PDE1C: variants seen among roughly 807,000 people sequenced by gnomAD.
The protein encoded by PDE1C is dual specificity calcium/calmodulin-dependent 3',5'-cyclic nucleotide phosphodiesterase 1C.
Under a neutral mutation model 93.1 loss-of-function variants are expected in PDE1C, and 62 were observed. The ratio of observed to expected loss-of-function variants is 0.67; its 90% CI spans 0.54 to 0.82. The LOEUF (loss-of-function observed/expected upper bound fraction) is 0.82, where lower values mean the gene tolerates loss of function less well. Among genes scored for constraint, PDE1C ranks in the 40% least tolerant of loss-of-function variants. PDE1C has a pLI of 0.00. For synonymous variants in PDE1C, 325 were observed against 310.1 expected (o/e 1.05, Z -0.50); for missense variants, 742 against 884.6 (o/e 0.84, Z 2.04).
intron 15 of PDE1C, among the ~76,000 whole-genome samples, chr7:31,814,328 T>G (rs997456045): frequency 1.3e-5 from 2 of 152,038 alleles, no homozygotes; most frequent in African/African-American, 4.8e-5. Flanking sequence ...TTTTCCAGAC[T>G]ATAATGCACT....
chr7:31,668,849 A>T, the PDE1C span, among the ~76,000 whole-genome samples: 12 of 151,718 alleles, frequency 7.9e-5, 1 homozygote, highest in South Asian at 8.4e-4. Context: ...ATGAACTACT[A>T]AAAAAAAATA....
intron 1 of PDE1C, among the ~76,000 whole-genome samples, chr7:32,406,872 G>T (rs967402824): frequency 2.0e-5 from 3 of 152,188 alleles, no homozygotes; most frequent in Admixed American, 2.0e-4. Context: ...CAGCGTCCTG[G>T]TGAGACTCAG....
chr7:32,206,688 A>C (rs79339200), intron 2 of PDE1C, among the ~76,000 whole-genome samples: 11,393 of 152,248 alleles, frequency 0.075, 473 homozygotes, highest in Middle Eastern at 0.11. Context: ...TGAGGTGCCC[A>C]CCATGCAGTA....
intron 1 of PDE1C, among the ~76,000 whole-genome samples, chr7:32,298,065 C>CTCTCTCCTCTCTCT (rs1562660556): frequency 2.4e-4 from 5 of 21,174 alleles, no homozygotes; most frequent in East Asian, 1.7e-3. Flanking sequence ...TCTCTCTCTC[C>CTCTCTCCTCTCTCT]CCTCTCTCTC....
chr7:31,975,128 T>C (rs899879256), intron 2 of PDE1C, among the ~76,000 whole-genome samples: 2 of 152,182 alleles, frequency 1.3e-5, no homozygotes, highest in African/African-American at 2.4e-5. Flanking sequence ...AGTGGCTGCA[T>C]ACTACAGTCC....
downstream of PDE1C, among the ~76,000 whole-genome samples, chr7:31,746,366 C>T (rs751633673): frequency 2.0e-5 from 3 of 152,122 alleles, no homozygotes; most frequent in East Asian, 1.9e-4. Flanking sequence ...GAAATATAGA[C>T]GTCAGGGAGA....
At chr7:31,679,959 G>T in the PDE1C span, among the ~76,000 whole-genome samples, 2 of 152,152 alleles carry the variant, frequency 1.3e-5, no homozygotes, top group Non-Finnish European at 2.9e-5. Context: ...AGGGAAGAGG[G>T]CAATGAATTA....
the PDE1C span, among the ~76,000 whole-genome samples, chr7:31,706,005 T>TC: frequency 7.9e-6 from 1 of 127,244 alleles, no homozygotes; most frequent in Admixed American, 7.9e-5. Context: ...TTTTTTTTTT[T>TC]TTTTTTTTTT....
intron 6 of PDE1C, among the ~76,000 whole-genome samples, chr7:31,867,312 G>A (rs1369965125): frequency 6.6e-6 from 1 of 152,206 alleles, no homozygotes; most frequent in East Asian, 1.9e-4. Context: ...CCCGTATACA[G>A]CTGCTGCCAC....
chr7:31,947,062 C>T (rs1291543533), intron 2 of PDE1C, among the ~76,000 whole-genome samples: 3 of 152,158 alleles, frequency 2.0e-5, no homozygotes, highest in Non-Finnish European at 4.4e-5. Flanking sequence ...TTTTGTCTCA[C>T]TTCTTGACTT....
At chr7:32,059,962 CCTT>C (rs1167663292) in intron 1 of PDE1C, among the ~76,000 whole-genome samples, 4 of 152,178 alleles carry the variant, frequency 2.6e-5, no homozygotes, top group Non-Finnish European at 4.4e-5. Context: ...ATTTTTACGA[CCTT>C]CTTCCTGGGA....
chr7:32,283,853 G>A (rs1008511163), intron 1 of PDE1C, among the ~76,000 whole-genome samples: 1 of 152,142 alleles, frequency 6.6e-6, no homozygotes, highest in Non-Finnish European at 1.5e-5. Context: ...CAGCCATACC[G>A]CAGAACTCCA....
the PDE1C span, among the ~76,000 whole-genome samples, chr7:31,622,384 G>T: frequency 3.9e-4 from 60 of 152,098 alleles, 1 homozygote; most frequent in Middle Eastern, 6.8e-3. Context: ...AAATGTAAAA[G>T]AACAGAAATC....
At chr7:31,969,584 C>T (rs150587873) in intron 2 of PDE1C, among the ~76,000 whole-genome samples, 20,385 of 152,142 alleles carry the variant, frequency 0.13, 1,672 homozygotes, top group South Asian at 0.19. Context: ...GTCAGTGTGG[C>T]GATTCCTCAG....
chr7:32,215,990 T>C (rs1278867765), intron 1 of PDE1C, among the ~76,000 whole-genome samples: 1 of 152,174 alleles, frequency 6.6e-6, no homozygotes, highest in Non-Finnish European at 1.5e-5. Context: ...GGAAGGCTGG[T>C]GGCTGCAATG....
At chr7:31,961,512 C>A (rs547741400) in intron 2 of PDE1C, among the ~76,000 whole-genome samples, 11 of 151,988 alleles carry the variant, frequency 7.2e-5, no homozygotes, top group Non-Finnish European at 1.3e-4. Flanking sequence ...CTACTCTGTT[C>A]CTCTGAGGAA....
At chr7:31,925,641 G>A (rs552102199) in intron 2 of PDE1C, among the ~76,000 whole-genome samples, 1 of 152,084 alleles carries the variant, frequency 6.6e-6, no homozygotes, top group African/African-American at 2.4e-5. Context: ...AGGGTGGAAG[G>A]GAGACAATTT....
intron 3 of PDE1C, among the ~76,000 whole-genome samples, chr7:32,113,286 CAT>C (rs1393950843): frequency 3.6e-5 from 3 of 84,062 alleles, no homozygotes; most frequent in South Asian, 8.1e-4. Flanking sequence ...TATTTGGATC[CAT>C]ATATATATTT....
intron 13 of PDE1C, among the ~76,000 whole-genome samples, 166 bp downstream of exon 13, chr7:31,824,701 T>C (rs1206433008): frequency 6.6e-6 from 1 of 152,034 alleles, no homozygotes; most frequent in African/African-American, 2.4e-5. Context: ...GTACGGATAA[T>C]ACAATTTCAA....
Sources: gnomAD v4.1 joint callset for allele counts (sites outside exome capture counted in the v4.1 genomes callset) on GRCh38, gnomAD v4.1.1 for gene constraint, MANE v1.5 for transcripts, NCBI Gene and HGNC (gene_info 2026-07-23, HGNC 2026-07-21) for gene names.